Variants in LMO2 observed in about 807,000 individuals in gnomAD.
LMO2 encodes LIM domain only 2.
In LMO2, 20 loss-of-function variants were observed where a neutral mutation model predicts 23.2. The observed-to-expected ratio is 0.86, with a 90% CI of 0.61 to 1.25. The LOEUF (loss-of-function observed/expected upper bound fraction) is 1.25. Ranked by LOEUF, LMO2 falls within the 50% of genes most tolerant of loss-of-function variation. The probability of loss-of-function intolerance (pLI) is 0.00; values close to 1 mark genes in which losing one functional copy is unlikely to be tolerated. For synonymous variants in LMO2, 123 were observed against 130.2 expected, an observed-to-expected ratio of 0.94 and a Z score of 0.38; for missense variants, 270 against 315.3, an observed-to-expected ratio of 0.86 and a Z score of 1.09.
chr11:33,859,356 C>T lies in LMO2; in HGVS notation c.684G>A (p.Ter228=). 22 of 1,612,214 alleles carry T rather than the reference C, an allele frequency of 1.4e-5. No individual in the cohort carries two copies. The highest frequency in any genetic ancestry group is 1.6e-5 in the Non-Finnish European group (19 of 1,178,410). Residue 228 remains the stop codon, a stop_retained_variant, in exon 6 of 6, where the codon TAG becomes TAA. Coordinates refer to ENST00000257818, the MANE Select transcript of LMO2 (RefSeq NM_005574.4). ...CCCAAAGATGCCCGGGGACTCGGGCCTATATCATCCCATTGATCTTAGTCC... is the reference window on the plus strand; with the variant it reads ...CCCAAAGATGCCCGGGGACTCGGGCTTATATCATCCCATTGATCTTAGTCC... ...YEWTKINGMI[*] is the part of the protein sequence containing the mutation.
rs1565034727 is a variant in LMO2, at chr11:33,880,254, T to TATATATATC, written c.-272+1561_-272+1569dup. 2.1e-5 allele frequency among the ~76,000 whole-genome samples: 1 copy of TATATATATC among 47,468 alleles called. No homozygotes were observed. The highest frequency in any genetic ancestry group is 6.7e-5 in the African/African-American group (1 of 14,908). The allele number at this position is 47,468 out of a possible 152,430, so 31.1% of individuals were successfully genotyped here. On this transcript the variant is annotated intron_variant, in intron 2 of 5. Coordinates refer to ENST00000257818, the MANE Select transcript of LMO2 (RefSeq NM_005574.4). The surrounding 1 kb of genome is among the most constrained non-coding windows in gnomAD (Gnocchi z 4.3). ...ATATATATATCATATATACACATGATATATATATCATACATACACATGATA... is the reference window on the plus strand; with the variant it reads ...ATATATATATCATATATACACATGATATATATATCATATATATCATACATACACATGATA...
intron 5 of LMO2, among the ~76,000 whole-genome samples, chr11:33,861,933 G>A (rs1441539600): frequency 6.6e-6 from 1 of 152,130 alleles, no homozygotes; most frequent in African/African-American, 2.4e-5. Flanking sequence ...TGAAAAAGAA[G>A]GTCTCTGTAG....
rs139718380 is a variant in LMO2, at chr11:33,870,368, A to G, written c.-271-381T>C. ...ACAGAAATGCAAGTGTTCCCAGTGG[A>G]TTTTCCGCCCGTCCCAGGTTCGAGG... On this transcript the variant is annotated intron_variant, in intron 2 of 5. Transcript: ENST00000257818. The G allele has an allele frequency of 1.5e-4, 144 of 985,508 alleles. 1 individual carries two copies. The East Asian group carries it at 5.4e-3, about 37-fold the overall frequency. The allele number at this position is 985,508 out of a possible 1,614,324, so 61.0% of individuals were successfully genotyped here.
At chr11:33,865,197 C>A in intron 4 of LMO2, 1 of 333,004 alleles carries the variant, frequency 3.0e-6, no homozygotes, top group Non-Finnish European at 5.9e-6. Flanking sequence ...TTCCTCCTCC[C>A]ATAACCTGGA....
intron 1 of LMO2, among the ~76,000 whole-genome samples, chr11:33,883,404 C>T (rs1442157523): frequency 6.6e-6 from 1 of 152,130 alleles, no homozygotes; most frequent in African/African-American, 2.4e-5. Context: ...AACTCAGTCT[C>T]CCCAAAATTA....
chr11:33,870,171 G>A, intron 2 of LMO2, 184 bp from the exon 3 acceptor site: 1 of 287,898 alleles, frequency 3.5e-6, no homozygotes, highest in Non-Finnish European at 5.2e-6. Context: ...TGTCGGGGAC[G>A]GGGAGAGCCG....
chr11:33,861,891 C>T (rs953604731), intron 5 of LMO2, among the ~76,000 whole-genome samples: 1 of 152,178 alleles, frequency 6.6e-6, no homozygotes, highest in African/African-American at 2.4e-5. Flanking sequence ...CCTGTACAGG[C>T]TTCTGTGACT....
chr11:33,865,142 T>A (rs1856736503), intron 4 of LMO2: 1 of 405,738 alleles, frequency 2.5e-6, no homozygotes. Context: ...CTTCTGCTTT[T>A]TCCCACTCTC....
chr11:33,869,576 C>A lies in LMO2; in HGVS notation c.18G>T (p.Val6=). Residue 6 remains valine (V), a synonymous_variant, in exon 4 of 6, where the codon GTG becomes GTT. Transcript: ENST00000257818. ...TCGCCCCTCCGCGCTCAAGGACAGT[C>A]ACCGCGCTCCCTTCAAACGCCAAAG... MEGSA[V]TVLERGGASS... The A allele has an allele frequency of 4.6e-6, 6 of 1,299,954 alleles. No individual in the cohort carries two copies. Among genetic ancestry groups the A allele is most frequent in the Non-Finnish European group, 5.9e-6 (6 of 1,012,304 alleles). 80.5% of individuals were successfully genotyped at this position (1,299,954 alleles called of 1,614,324 possible). A position where few individuals can be genotyped will look rare whatever the true frequency, so the allele number is the denominator to read the frequency against.
At chr11:33,865,378 A>G (rs1286661965) in intron 4 of LMO2, among the ~76,000 whole-genome samples, 2 of 152,238 alleles carry the variant, frequency 1.3e-5, no homozygotes, top group Non-Finnish European at 2.9e-5. Flanking sequence ...AAGAAGAATG[A>G]GACCAAAAAT....
chr11:33,891,370 CACACACACACACACACACAT>C (rs1005210174), intron 1 of LMO2, among the ~76,000 whole-genome samples: 3 of 127,734 alleles, frequency 2.3e-5, no homozygotes, highest in East Asian at 2.5e-4. Flanking sequence ...CACACACACA[CACACACACACACACACACAT>C]GCACACACAC....
At chr11:33,874,312 C>T (rs749781273) in intron 2 of LMO2, among the ~76,000 whole-genome samples, 4 of 152,146 alleles carry the variant, frequency 2.6e-5, no homozygotes, top group Non-Finnish European at 4.4e-5. Flanking sequence ...CCATTTCAAC[C>T]GAGCCTTAGG....
intron 2 of LMO2, among the ~76,000 whole-genome samples, chr11:33,872,311 C>A (rs1857043978): frequency 6.6e-6 from 1 of 152,062 alleles, no homozygotes; most frequent in African/African-American, 2.4e-5. Flanking sequence ...AACAAACAAA[C>A]AAATAAACTC....
chr11:33,870,605 G>C (rs537349037), intron 2 of LMO2: 1 of 984,650 alleles, frequency 1.0e-6, no homozygotes, highest in South Asian at 4.7e-5. Flanking sequence ...CCCAGAGGGA[G>C]GGTGGCTGGG....
chr11:33,869,632 G>A, intron 3 of LMO2, 46 bp from the exon 4 acceptor site: 5 of 1,258,126 alleles, frequency 4.0e-6, no homozygotes, highest in Non-Finnish European at 4.0e-6. Flanking sequence ...CTGCGGGCGC[G>A]CCGCGGCCGA....
intron 2 of LMO2, among the ~76,000 whole-genome samples, chr11:33,873,100 C>T (rs1322953151): frequency 6.6e-6 from 1 of 152,140 alleles, no homozygotes; most frequent in Non-Finnish European, 1.5e-5. Flanking sequence ...TAAATTATTA[C>T]TTTCCTTGTC....
chr11:33,869,769 C>T lies in LMO2; in HGVS notation c.-53G>A. The T allele has an allele frequency of 8.5e-7, 1 of 1,176,046 alleles. No individual in the cohort carries two copies. The allele number at this position is 1,176,046 out of a possible 1,614,324, so 72.9% of individuals were successfully genotyped here. A position where few individuals can be genotyped will look rare whatever the true frequency, so the allele number is the denominator to read the frequency against. On this transcript the variant is annotated 5_prime_UTR_variant, in exon 3 of 6. Transcript: ENST00000257818. ...TCCCTCTCGCGCGCTGTCGCCGGCT[C>T]CGCGCCGCCCGCGGGGATGGTGTGC... is the stretch of plus-strand genomic sequence containing the variant.
rs1857246646 is a variant in LMO2, at chr11:33,880,269, TACAC to T, written c.-272+1551_-272+1554del. On this transcript the variant is annotated intron_variant, in intron 2 of 5. Coordinates refer to ENST00000257818, the MANE Select transcript of LMO2 (RefSeq NM_005574.4). The surrounding 1 kb of genome is among the most constrained non-coding windows in gnomAD (Gnocchi z 4.3). ...ATACACATGATATATATATCATACA[TACAC>T]ATGATATATATCATATATATCATAT... Among the ~76,000 whole-genome samples the T allele has an allele frequency of 6.8e-6, 1 of 147,782 alleles. No homozygotes were observed. Among genetic ancestry groups the T allele is most frequent in the African/African-American group, 2.5e-5 (1 of 39,722 alleles).
intron 2 of LMO2, among the ~76,000 whole-genome samples, chr11:33,871,944 C>T (rs78897371): frequency 0.046 from 6,991 of 152,162 alleles, 306 homozygotes; most frequent in Non-Finnish European, 0.064. Flanking sequence ...GCTGTGTCAA[C>T]CTGGGCTCAC....
Sources: allele counts gnomAD v4.1 joint callset (sites outside exome capture counted in the v4.1 genomes callset), GRCh38; gene constraint gnomAD v4.1.1; non-coding constraint Gnocchi (gnomAD v3.1); transcripts MANE v1.5; gene names NCBI Gene and HGNC (gene_info 2026-07-23, HGNC 2026-07-21).